PDE1C: variants seen among roughly 807,000 people sequenced by gnomAD.
PDE1C encodes the protein dual specificity calcium/calmodulin-dependent 3',5'-cyclic nucleotide phosphodiesterase 1C.
In PDE1C, 62 loss-of-function variants were observed where a neutral mutation model predicts 93.1. That is an observed-to-expected ratio of 0.67 (90% CI 0.54 to 0.82). The LOEUF (loss-of-function observed/expected upper bound fraction) is 0.82, where lower values mean the gene tolerates loss of function less well. PDE1C is among the 40% of genes least tolerant of loss of function. The pLI, the probability that PDE1C is intolerant of heterozygous loss-of-function variation, is 0.00. For missense variants in PDE1C, 742 were observed against 884.6 expected, an observed-to-expected ratio of 0.84 and a Z score of 2.04; for synonymous variants, 325 against 310.1, an observed-to-expected ratio of 1.05 and a Z score of -0.50.
intron 1 of PDE1C, among the ~76,000 whole-genome samples, chr7:32,387,021 G>A (rs1403317745): frequency 6.6e-6 from 1 of 151,084 alleles, no homozygotes; most frequent in Admixed American, 6.6e-5. Flanking sequence ...AGGACCCTGC[G>A]GCCTTCCGCA....
At chr7:31,650,346 T>C in the PDE1C span, among the ~76,000 whole-genome samples, 2 of 152,178 alleles carry the variant, frequency 1.3e-5, no homozygotes, top group African/African-American at 2.4e-5. Flanking sequence ...CACAGCCTTG[T>C]GCTGCTGGGA....
chr7:31,758,849 C>T (rs1583950709), intron 17 of PDE1C, among the ~76,000 whole-genome samples: 4 of 152,110 alleles, frequency 2.6e-5, no homozygotes, highest in Admixed American at 2.6e-4. Context: ...CAGATTGTTG[C>T]AATGTCTGAG....
chr7:31,644,023 A>G, the PDE1C span: 1 of 1,415,690 alleles, frequency 7.1e-7, no homozygotes. Context: ...GATAATATTC[A>G]GACTTCCTTG....
At chr7:32,307,624 G>A (rs1239636530) in intron 1 of PDE1C, among the ~76,000 whole-genome samples, 1 of 152,090 alleles carries the variant, frequency 6.6e-6, no homozygotes, top group Non-Finnish European at 1.5e-5. Flanking sequence ...GCATGCCCAG[G>A]ACTGAGGTCA....
At chr7:32,309,200 A>G (rs1452448104) in intron 1 of PDE1C, among the ~76,000 whole-genome samples, 4 of 152,210 alleles carry the variant, frequency 2.6e-5, no homozygotes, top group African/African-American at 9.7e-5. Context: ...GTTTAGAGAA[A>G]AAAGAATAAA....
chr7:31,992,363 G>T (rs920282782), intron 2 of PDE1C, among the ~76,000 whole-genome samples: 5 of 152,234 alleles, frequency 3.3e-5, no homozygotes. Context: ...AGTACCTGGT[G>T]TTTCCAAGTG....
At chr7:32,110,385 C>T (rs557819647) in intron 3 of PDE1C, among the ~76,000 whole-genome samples, 6 of 152,272 alleles carry the variant, frequency 3.9e-5, no homozygotes, top group African/African-American at 1.4e-4. Context: ...GAGATTAGCA[C>T]AGGAAAGACC....
At chr7:31,964,510 T>G (rs1054543186) in intron 2 of PDE1C, among the ~76,000 whole-genome samples, 3 of 152,360 alleles carry the variant, frequency 2.0e-5, no homozygotes, top group South Asian at 2.1e-4. Flanking sequence ...TGCCTGCCTC[T>G]GTAGGCTCCA....
At chr7:32,125,972 T>C (rs1262002692) in intron 3 of PDE1C, among the ~76,000 whole-genome samples, 1 of 152,078 alleles carries the variant, frequency 6.6e-6, no homozygotes, top group Admixed American at 6.6e-5. Context: ...TAGGTAAACT[T>C]AATAGATGCA....
the PDE1C span, chr7:31,643,012 C>T: frequency 7.4e-6 from 12 of 1,613,888 alleles, no homozygotes; most frequent in African/African-American, 1.6e-4. Flanking sequence ...GCCAATGCCC[C>T]ATGCTGAGTA....
chr7:32,123,689 A>T (rs1262270190), intron 3 of PDE1C, among the ~76,000 whole-genome samples: 2 of 152,250 alleles, frequency 1.3e-5, no homozygotes, highest in African/African-American at 2.4e-5. Context: ...TAAACTAGGC[A>T]TTGATTGAAC....
At chr7:32,287,743 G>A (rs1227987379) in intron 1 of PDE1C, among the ~76,000 whole-genome samples, 2 of 152,218 alleles carry the variant, frequency 1.3e-5, no homozygotes, top group South Asian at 2.1e-4. Flanking sequence ...GCTTGATCCT[G>A]CATGCAATGG....
chr7:32,354,693 G>C (rs908459504), intron 1 of PDE1C, among the ~76,000 whole-genome samples: 1 of 152,178 alleles, frequency 6.6e-6, no homozygotes, highest in African/African-American at 2.4e-5. Flanking sequence ...CCTAGGAATT[G>C]AGAGATATGG....
intron 1 of PDE1C, among the ~76,000 whole-genome samples, chr7:32,238,450 T>C (rs1197109850): frequency 6.6e-6 from 1 of 152,270 alleles, no homozygotes; most frequent in Admixed American, 6.5e-5. Flanking sequence ...TTGTAAAGCA[T>C]TTAGAACAGT....
intron 1 of PDE1C, among the ~76,000 whole-genome samples, chr7:32,291,180 T>C (rs1481552544): frequency 1.3e-5 from 2 of 152,134 alleles, no homozygotes; most frequent in Non-Finnish European, 2.9e-5. Flanking sequence ...TTGTCCAAAA[T>C]TACACAGCTA....
intron 2 of PDE1C, among the ~76,000 whole-genome samples, chr7:31,943,852 T>C (rs1041887680): frequency 6.6e-6 from 1 of 152,304 alleles, no homozygotes; most frequent in East Asian, 1.9e-4. Flanking sequence ...AGTTCAGAAC[T>C]ATGGCAGAAT....
chr7:32,005,220 C>T (rs1330290495), intron 2 of PDE1C, among the ~76,000 whole-genome samples: 8 of 152,030 alleles, frequency 5.3e-5, no homozygotes, highest in East Asian at 3.9e-4. Context: ...TTATCAAGTG[C>T]CCACTCACAT....
chr7:31,849,099 T>C (rs1792998018), intron 8 of PDE1C, among the ~76,000 whole-genome samples: 1 of 152,220 alleles, frequency 6.6e-6, no homozygotes, highest in Non-Finnish European at 1.5e-5. Context: ...CCTATGGAGA[T>C]AACGCAGAAC....
At chr7:31,896,774 C>A (rs562683370) in intron 2 of PDE1C, among the ~76,000 whole-genome samples, 2 of 152,240 alleles carry the variant, frequency 1.3e-5, no homozygotes, top group Non-Finnish European at 2.9e-5. Context: ...GTAATTCTGA[C>A]CTTGTGGGGT....
Sources: gnomAD v4.1 joint callset for allele counts (sites outside exome capture counted in the v4.1 genomes callset) on GRCh38, gnomAD v4.1.1 for gene constraint, MANE v1.5 for transcripts, NCBI Gene and HGNC (gene_info 2026-07-23, HGNC 2026-07-21) for gene names.